SEMA3A: variants seen among roughly 807,000 people sequenced by gnomAD.
SEMA3A encodes the protein semaphorin-3A.
Under a neutral mutation model 97.9 loss-of-function variants are expected in SEMA3A, and 29 were observed. The observed-to-expected ratio is 0.30, with a 90% CI of 0.22 to 0.40. The LOEUF (loss-of-function observed/expected upper bound fraction) is 0.40, where lower values mean the gene tolerates loss of function less well. Among genes scored for constraint, SEMA3A ranks in the 10% least tolerant of loss-of-function variants. The pLI is 1.00. For missense variants in SEMA3A, 763 were observed against 951.3 expected, an observed-to-expected ratio of 0.80 and a Z score of 2.60; for synonymous variants, 321 against 323.7, an observed-to-expected ratio of 0.99 and a Z score of 0.09.
At chr7:84,477,078 A>G (rs1350689499) in intron 1 of SEMA3A, among the ~76,000 whole-genome samples, 1 of 145,996 alleles carries the variant, frequency 6.8e-6, no homozygotes, top group African/African-American at 2.5e-5. Flanking sequence ...AAAAAAATAT[A>G]TATATATATA....
intron 12 of SEMA3A, among the ~76,000 whole-genome samples, chr7:83,989,112 T>C (rs1789772100): frequency 6.6e-6 from 1 of 152,152 alleles, no homozygotes; most frequent in African/African-American, 2.4e-5. Flanking sequence ...ATGTGGTTAT[T>C]AAGGAGCTTA....
intron 2 of SEMA3A, among the ~76,000 whole-genome samples, chr7:84,309,070 G>A (rs907998022): frequency 1.3e-5 from 2 of 151,912 alleles, no homozygotes; most frequent in African/African-American, 2.4e-5. Flanking sequence ...CGCCTGCCTC[G>A]GCCTTCAAAA....
intron 4 of SEMA3A, among the ~76,000 whole-genome samples, chr7:84,081,808 T>A: frequency 6.6e-6 from 1 of 151,980 alleles, no homozygotes; most frequent in South Asian, 2.1e-4. Flanking sequence ...TATATATATT[T>A]TATCTCATAT....
chr7:84,272,953 A>G (rs1800189440), intron 3 of SEMA3A, among the ~76,000 whole-genome samples: 1 of 152,126 alleles, frequency 6.6e-6, no homozygotes, highest in South Asian at 2.1e-4. Context: ...TTTTGAGAAT[A>G]TATCTATCTT....
chr7:84,138,182 A>T (rs1796200791), intron 1 of SEMA3A, among the ~76,000 whole-genome samples: 1 of 152,120 alleles, frequency 6.6e-6, no homozygotes. Context: ...GTAGCAAATT[A>T]CAGTCCAGAT....
At chr7:84,141,497 G>A (rs1023378012) in intron 1 of SEMA3A, among the ~76,000 whole-genome samples, 2 of 152,048 alleles carry the variant, frequency 1.3e-5, no homozygotes, top group Non-Finnish European at 2.9e-5. Flanking sequence ...GTTTTTACTT[G>A]TATAGACTTT....
At chr7:83,971,053 C>T (rs929385637) in intron 15 of SEMA3A, among the ~76,000 whole-genome samples, 3 of 152,138 alleles carry the variant, frequency 2.0e-5, no homozygotes, top group African/African-American at 7.2e-5. Flanking sequence ...AATACATAAA[C>T]TATTTAAAAA....
At chr7:84,279,308 TACTA>T (rs1206118212) in intron 3 of SEMA3A, among the ~76,000 whole-genome samples, 2 of 152,102 alleles carry the variant, frequency 1.3e-5, no homozygotes, top group African/African-American at 2.4e-5. Flanking sequence ...CAATACTATA[TACTA>T]ACTAATAGGA....
At chr7:84,374,148 G>GAA (rs1183476369) in intron 1 of SEMA3A, among the ~76,000 whole-genome samples, 1 of 152,168 alleles carries the variant, frequency 6.6e-6, no homozygotes, top group East Asian at 1.9e-4. Flanking sequence ...CAAACTTTAA[G>GAA]ACACTGCATG....
At chr7:84,086,300 C>T (rs1332377386) in intron 4 of SEMA3A, among the ~76,000 whole-genome samples, 3 of 151,628 alleles carry the variant, frequency 2.0e-5, no homozygotes, top group Admixed American at 6.6e-5. Context: ...AATTAGCATA[C>T]CTGGCTTTGA....
At chr7:84,264,073 C>T in intron 3 of SEMA3A, among the ~76,000 whole-genome samples, 1 of 152,072 alleles carries the variant, frequency 6.6e-6, no homozygotes. Context: ...ATAATTAACC[C>T]TCCACTACTG....
chr7:84,060,687 A>C (rs1793181079), intron 4 of SEMA3A, 129 bp from the exon 5 acceptor site: 3 of 552,822 alleles, frequency 5.4e-6, no homozygotes, highest in Non-Finnish European at 6.0e-6. Flanking sequence ...TATTTGTTCA[A>C]ATTTTTGAGA....
At chr7:84,386,086 T>C (rs1337474337) in intron 1 of SEMA3A, among the ~76,000 whole-genome samples, 1 of 152,196 alleles carries the variant, frequency 6.6e-6, no homozygotes, top group Non-Finnish European at 1.5e-5. Flanking sequence ...GTCACTAATA[T>C]CAGTTCTCTC....
At chr7:84,385,114 G>A (rs903330363) in intron 1 of SEMA3A, among the ~76,000 whole-genome samples, 11 of 151,386 alleles carry the variant, frequency 7.3e-5, no homozygotes, top group African/African-American at 2.4e-4. Flanking sequence ...CAATTAAAAT[G>A]GGGGAACAGA....
At chr7:84,102,588 C>CTTTTTTTTTTTT (rs3074757) in intron 4 of SEMA3A, among the ~76,000 whole-genome samples, 2 of 96,846 alleles carry the variant, frequency 2.1e-5, no homozygotes, top group Non-Finnish European at 1.9e-5. Flanking sequence ...TGCATTATCG[C>CTTTTTTTTTTTT]TTTTTTTTTT....
intron 4 of SEMA3A, among the ~76,000 whole-genome samples, chr7:84,085,895 T>G (rs1361428197): frequency 6.6e-6 from 1 of 152,176 alleles, no homozygotes; most frequent in East Asian, 1.9e-4. Context: ...GGAAGACGGA[T>G]GTACAACTGA....
intron 3 of SEMA3A, among the ~76,000 whole-genome samples, chr7:84,306,101 A>T (rs1348212606): frequency 4.6e-4 from 70 of 151,966 alleles, no homozygotes; most frequent in Non-Finnish European, 4.4e-5. Context: ...ATACCAATTC[A>T]ATATGAACTC....
intron 4 of SEMA3A, among the ~76,000 whole-genome samples, chr7:84,062,548 G>C (rs988899476): frequency 1.8e-4 from 27 of 152,310 alleles, no homozygotes; most frequent in African/African-American, 6.5e-4. Context: ...GTGGGCATAG[G>C]TCAGTGGGTG....
At chr7:84,041,977 A>C (rs1792150551) in intron 6 of SEMA3A, among the ~76,000 whole-genome samples, 3 of 152,164 alleles carry the variant, frequency 2.0e-5, no homozygotes. Flanking sequence ...AGTAAGATCG[A>C]AATAGTGTAT....
Sources: gnomAD v4.1 joint callset for allele counts (sites outside exome capture counted in the v4.1 genomes callset) on GRCh38, gnomAD v4.1.1 for gene constraint, MANE v1.5 for transcripts, NCBI Gene and HGNC (gene_info 2026-07-23, HGNC 2026-07-21) for gene names.